PFDN1: variants seen among roughly 807,000 people sequenced by gnomAD.
PFDN1 encodes prefoldin subunit 1.
Under a neutral mutation model 17.3 loss-of-function variants are expected in PFDN1, and 6 were observed. That is an observed-to-expected ratio of 0.35 (90% CI 0.19 to 0.69). The LOEUF (loss-of-function observed/expected upper bound fraction) is 0.69. Among genes scored for constraint, PFDN1 ranks in the 30% least tolerant of loss-of-function variants. The pLI is 0.65. For missense variants in PFDN1, 113 were observed against 146.2 expected (o/e 0.77, Z 1.17); for synonymous variants, 58 against 50.1 (o/e 1.16, Z -0.67).
At chr5:140,283,865 A>G (rs1313256718) in intron 2 of PFDN1, among the ~76,000 whole-genome samples, 1 of 150,376 alleles carries the variant, frequency 6.6e-6, no homozygotes, top group African/African-American at 2.4e-5. Flanking sequence ...ATGTCATGAC[A>G]TGTGTGATTT....
Position 140,254,211 on chromosome 5 carries a change from G to C in PFDN1, c.286-8154C>G, listed in dbSNP as rs1193825846. On this transcript the variant is annotated intron_variant, in intron 3 of 3. Transcript: ENST00000261813. This position sits in a 1 kb window ranked among gnomAD's most constrained non-coding sequence, Gnocchi z 4.4. The stretch of plus-strand genomic sequence containing the variant: ...TGTTTCGAAAGCACAGAAACAGGCA[G>C]TGGGCTGGACGGGGCAGGCGGTGGT... 6.6e-6 allele frequency among the ~76,000 whole-genome samples: 1 copy of C among 152,224 alleles called. No homozygotes were observed. Among genetic ancestry groups the C allele is most frequent in the Admixed American group, 6.5e-5 (1 of 15,288 alleles).
intron 3 of PFDN1, among the ~76,000 whole-genome samples, chr5:140,272,504 C>T (rs980726451): frequency 7.9e-5 from 12 of 151,568 alleles, no homozygotes; most frequent in Admixed American, 1.3e-4. Context: ...GGATTACAGG[C>T]GCCCACCACC....
intron 3 of PFDN1, among the ~76,000 whole-genome samples, chr5:140,252,876 A>G (rs1329027888): frequency 6.6e-6 from 1 of 152,232 alleles, no homozygotes; most frequent in Admixed American, 6.5e-5. Context: ...ATGTGCCCTG[A>G]GCCGCCAGCC....
intron 3 of PFDN1, among the ~76,000 whole-genome samples, chr5:140,259,489 G>A (rs1055346901): frequency 1.6e-4 from 24 of 152,136 alleles, no homozygotes; most frequent in Admixed American, 3.3e-4. Flanking sequence ...CAATAAGACG[G>A]ACTAGAGGAA....
chr5:140,258,923 A>G (rs1765025376), intron 3 of PFDN1, among the ~76,000 whole-genome samples: 1 of 152,246 alleles, frequency 6.6e-6, no homozygotes, highest in Non-Finnish European at 1.5e-5. Context: ...GTGGTACTTG[A>G]AGTCGTGAGA....
chr5:140,256,481 G>C (rs983690638), intron 3 of PFDN1, among the ~76,000 whole-genome samples: 2 of 151,710 alleles, frequency 1.3e-5, no homozygotes, highest in East Asian at 3.9e-4. Context: ...CTTAATTCCA[G>C]ATTTAACATA....
At chr5:140,252,042 A>G (rs1400710082) in intron 3 of PFDN1, among the ~76,000 whole-genome samples, 1 of 150,636 alleles carries the variant, frequency 6.6e-6, no homozygotes. Context: ...GGGGTATTGA[A>G]AAGAGTTTTC....
At chr5:140,289,966 C>T (rs1406526271) in intron 2 of PFDN1, among the ~76,000 whole-genome samples, 1 of 152,178 alleles carries the variant, frequency 6.6e-6, no homozygotes, top group Non-Finnish European at 1.5e-5. Context: ...TAGCTTCCTG[C>T]CTGCCTATGC....
intron 3 of PFDN1, among the ~76,000 whole-genome samples, chr5:140,274,184 C>G (rs896649993): frequency 2.0e-5 from 3 of 152,142 alleles, no homozygotes; most frequent in African/African-American, 7.2e-5. Flanking sequence ...AGATATAGAT[C>G]TCAATCTATC....
chr5:140,249,408 A>G (rs1278324568), intron 3 of PFDN1, among the ~76,000 whole-genome samples: 1 of 152,154 alleles, frequency 6.6e-6, no homozygotes, highest in Non-Finnish European at 1.5e-5. Context: ...TTCTACCACA[A>G]TTATTTGGGG....
At chr5:140,249,426 T>A (rs1764880410) in intron 3 of PFDN1, among the ~76,000 whole-genome samples, 1 of 152,226 alleles carries the variant, frequency 6.6e-6, no homozygotes. Flanking sequence ...GGGATAAGTA[T>A]GATCCTAGCT....
chr5:140,255,028 T>C (rs1693235580), intron 3 of PFDN1, among the ~76,000 whole-genome samples: 1 of 152,216 alleles, frequency 6.6e-6, no homozygotes, highest in Non-Finnish European at 1.5e-5. Context: ...CTGTGCTGAA[T>C]GGTCTCACTT....
rs1370447842 is a variant in PFDN1, at chr5:140,254,620, AT to A, written c.286-8564del. Among the ~76,000 whole-genome samples the A allele has an allele frequency of 6.6e-6, 1 of 151,932 alleles. No homozygotes were observed. The highest frequency in any genetic ancestry group is 2.4e-5 in the African/African-American group (1 of 41,356). ...TACCACAGCCTCCTCTCTCCTCACA[AT>A]TTTACAGTTATCCCACCTCAGCCAC... On this transcript the variant is annotated intron_variant, in intron 3 of 3. Transcript: ENST00000261813. The surrounding 1 kb of genome is among the most constrained non-coding windows in gnomAD (Gnocchi z 4.4).
At chr5:140,277,356 G>A (rs186782715) in intron 3 of PFDN1, among the ~76,000 whole-genome samples, 22 of 152,206 alleles carry the variant, frequency 1.4e-4, no homozygotes, top group Non-Finnish European at 2.2e-4. Flanking sequence ...AGAACTGAAC[G>A]AGAGAAGGCT....
Position 140,300,416 on chromosome 5 carries a change from A to G in PFDN1, c.200T>C (p.Met67Thr). ...TCCATTAAGGACACATTTTACTTAC[A>G]TTCTTCCTACACCTTCATACATGTT... Reference protein sequence around the residue: ...ETNMYEGVGRMFILQSKEAIH... With the variant: ...ETNMYEGVGRTFILQSKEAIH... The change falls in exon 2 of 4, where the codon ATG becomes ACG. Residue 67 changes from methionine to threonine, a missense_variant and splice_region_variant. Met to Thr is a moderately conservative substitution (Grantham distance 81). Coordinates refer to ENST00000261813, the MANE Select transcript of PFDN1 (RefSeq NM_002622.5). 3 of 1,589,516 alleles carry G rather than the reference A, an allele frequency of 1.9e-6. No individual in the cohort carries two copies. The highest frequency in any genetic ancestry group is 2.6e-6 in the Non-Finnish European group (3 of 1,162,794).
chr5:140,290,839 G>C (rs948457437), intron 2 of PFDN1, among the ~76,000 whole-genome samples: 3 of 152,118 alleles, frequency 2.0e-5, no homozygotes, highest in Non-Finnish European at 4.4e-5. Context: ...CTTTAAGAAA[G>C]ACATCTGATA....
At chr5:140,298,840 C>T (rs1420028041) in intron 2 of PFDN1, among the ~76,000 whole-genome samples, 3 of 151,994 alleles carry the variant, frequency 2.0e-5, no homozygotes, top group Non-Finnish European at 2.9e-5. Context: ...CTGCAACCTC[C>T]ACCTCCTGGG....
intron 3 of PFDN1, among the ~76,000 whole-genome samples, chr5:140,253,812 T>C (rs552085834): frequency 9.8e-5 from 15 of 152,302 alleles, no homozygotes; most frequent in African/African-American, 3.4e-4. Flanking sequence ...ACCTTAACTA[T>C]AGAAAGCAAT....
rs565842779 is a variant in PFDN1, at chr5:140,259,678, T to C, written c.286-13621A>G. Among the ~76,000 whole-genome samples, 20 of 152,256 alleles carry C rather than the reference T, an allele frequency of 1.3e-4. 1 individual carries two copies. In the South Asian group the frequency reaches 3.9e-3, roughly 30 times the overall value. ...GTAAAGGGGTAGGTGAATAAGGGTGTGCCTGCTGAGAGAGGAAGTAAGGGT... is the reference window on the plus strand; with the variant it reads ...GTAAAGGGGTAGGTGAATAAGGGTGCGCCTGCTGAGAGAGGAAGTAAGGGT... On this transcript the variant is annotated intron_variant, in intron 3 of 3. Transcript: ENST00000261813.
Sources: gnomAD v4.1 joint callset for allele counts (sites outside exome capture counted in the v4.1 genomes callset) on GRCh38, gnomAD v4.1.1 for gene constraint, Gnocchi (gnomAD v3.1) non-coding constraint, MANE v1.5 for transcripts, NCBI Gene and HGNC (gene_info 2026-07-23, HGNC 2026-07-21) for gene names.